The following TTC8 variants were observed in gnomAD, a reference collection of about 807,000 sequenced individuals.
TTC8 encodes tetratricopeptide repeat protein 8.
A neutral mutation model predicts 72.5 loss-of-function variants in TTC8; 47 were observed. The ratio of observed to expected loss-of-function variants is 0.65; its 90% CI spans 0.51 to 0.83. The LOEUF is 0.83. Ranked by LOEUF, TTC8 falls within the 40% of genes least tolerant of loss-of-function variation. The pLI is 0.00. For synonymous variants in TTC8, 199 were observed against 221.4 expected, an observed-to-expected ratio of 0.90 and a Z score of 0.90; for missense variants, 611 against 623.2, an observed-to-expected ratio of 0.98 and a Z score of 0.21.
Position 88,838,865 on chromosome 14 carries a change from A to G in TTC8, c.145-587A>G, listed in dbSNP as rs1270226275. On this transcript the variant is annotated intron_variant, in intron 2 of 14. Coordinates refer to ENST00000380656, the MANE Select transcript of TTC8 (RefSeq NM_144596.4). ...GAATCGGATAAATTGATCTTAGTTC[A>G]GTTCAACCAACATTTCTTGAATACC... Among the ~76,000 whole-genome samples the G allele has an allele frequency of 2.6e-5, 4 of 152,338 alleles. No individual in the cohort carries two copies. In the East Asian group the frequency reaches 7.7e-4, roughly 29 times the overall value.
In TTC8 at chr14:88,871,590, A is replaced by T; in HGVS notation, c.1091A>T (p.Asn364Ile). 1 of 1,614,120 alleles carries T rather than the reference A, an allele frequency of 6.2e-7. No individual in the cohort carries two copies. Among genetic ancestry groups the T allele is most frequent in the Non-Finnish European group, 8.5e-7 (1 of 1,180,008 alleles). ...QMGIYNGQLF[N>I]NLGLCCFYAQ... ...GGCATTTATAACGGCCAGCTTTTTA[A>T]CAATCTGGGGCTGTGTTGCTTCTAT... The change falls in exon 12 of 15, where the codon AAC becomes ATC. Residue 364 changes from asparagine to isoleucine, a missense_variant. By Grantham distance (149) the Asn-to-Ile change is moderately radical. Transcript: ENST00000380656. The surrounding 1 kb of genome is among the most constrained non-coding windows in gnomAD (Gnocchi z 4.1).
rs548297000 is a variant in TTC8, at chr14:88,868,053, G to T, written c.910-2006G>T. ...GAGATACAAGATTTCGACAAATAGA[G>T]GTCAGACCATTAGCTTGATTACAGA... is the stretch of plus-strand genomic sequence containing the variant. On this transcript the variant is annotated intron_variant, in intron 10 of 14. Coordinates refer to ENST00000380656, the MANE Select transcript of TTC8 (RefSeq NM_144596.4). 2.6e-5 allele frequency among the ~76,000 whole-genome samples: 4 copies of T among 152,258 alleles called. No individual in the cohort carries two copies. The South Asian group carries it at 8.3e-4, about 32-fold the overall frequency.
chr14:88,839,288 TG>T (rs1400107799), intron 2 of TTC8, among the ~76,000 whole-genome samples, 163 bp from the exon 3 acceptor site: 112 of 152,312 alleles, frequency 7.4e-4, no homozygotes, highest in African/African-American at 2.6e-3. Flanking sequence ...GATGGCTTCT[TG>T]TATTAGTTTT....
chr14:88,828,081 C>A (rs536105440), intron 1 of TTC8, among the ~76,000 whole-genome samples: 16 of 152,286 alleles, frequency 1.1e-4, no homozygotes, highest in African/African-American at 3.1e-4. Flanking sequence ...TCTTCCCCTG[C>A]CCCATCCTTA....
At chr14:88,865,906 G>T (rs1010672357) in intron 10 of TTC8, among the ~76,000 whole-genome samples, 5 of 151,980 alleles carry the variant, frequency 3.3e-5, no homozygotes, top group African/African-American at 9.7e-5. Flanking sequence ...TAGAGTCAAT[G>T]TGTGTTCATA....
intron 13 of TTC8, among the ~76,000 whole-genome samples, chr14:88,874,522 C>T (rs1276228367): frequency 6.6e-6 from 1 of 152,072 alleles, no homozygotes; most frequent in Non-Finnish European, 1.5e-5. Flanking sequence ...AACTGATCAG[C>T]ACTATATTAA....
upstream of TTC8, among the ~76,000 whole-genome samples, chr14:88,824,403 A>T (rs897061735): frequency 1.3e-5 from 2 of 151,832 alleles, no homozygotes; most frequent in African/African-American, 2.4e-5. Context: ...AGGGTGGGGG[A>T]CCCCAGGGGC....
chr14:88,867,016 G>A (rs570572101), intron 10 of TTC8, among the ~76,000 whole-genome samples: 2 of 152,244 alleles, frequency 1.3e-5, no homozygotes, highest in South Asian at 4.1e-4. Context: ...ACAGTGATAA[G>A]CCATTTTTCA....
At chr14:88,860,505 A>G (rs572849153) in intron 9 of TTC8, among the ~76,000 whole-genome samples, 8 of 150,288 alleles carry the variant, frequency 5.3e-5, no homozygotes, top group East Asian at 2.0e-4. Context: ...TCCACTGCCT[A>G]TCTCTCTCAG....
rs1011778609 is a variant in TTC8 at position 88,871,570 on chromosome 14, T to A, written c.1071T>A (p.Ile357=). The part of the protein sequence containing the change: ...RFYRRLLQMG[I]YNGQLFNNLG... ...AAAGGCGGCTGCTGCAGATGGGCAT[T>A]TATAACGGCCAGCTTTTTAACAATC... is the stretch of plus-strand genomic sequence containing the variant. Residue 357 remains isoleucine (I), a synonymous_variant, in exon 12 of 15, where the codon ATT becomes ATA. Coordinates refer to ENST00000380656, the MANE Select transcript of TTC8 (RefSeq NM_144596.4). This position sits in a 1 kb window ranked among gnomAD's most constrained non-coding sequence, Gnocchi z 4.1. 32 of 1,614,026 alleles carry A rather than the reference T, an allele frequency of 2.0e-5. No individual in the cohort carries two copies. The highest frequency in any genetic ancestry group is 2.7e-5 in the Non-Finnish European group (32 of 1,179,994).
downstream of TTC8, chr14:88,879,501 T>A (rs2094967295): frequency 6.6e-6 from 1 of 152,078 alleles, no homozygotes; most frequent in Admixed American, 6.5e-5. Flanking sequence ...AAGTTCTTCC[T>A]TTTTTACAAA....
At chr14:88,851,859 T>G (rs1262681839) in intron 7 of TTC8, among the ~76,000 whole-genome samples, 2 of 152,120 alleles carry the variant, frequency 1.3e-5, no homozygotes, top group African/African-American at 4.8e-5. Flanking sequence ...TTTAAAGATC[T>G]CCCCTGGAGC....
intron 6 of TTC8, among the ~76,000 whole-genome samples, chr14:88,842,946 GGTTT>G (rs1299633127): frequency 7.5e-6 from 1 of 133,486 alleles, no homozygotes; most frequent in Non-Finnish European, 1.7e-5. Context: ...GATTGTTATA[GGTTT>G]GTTTTTTTTT....
intron 2 of TTC8, among the ~76,000 whole-genome samples, chr14:88,837,511 G>A (rs1290500043): frequency 6.6e-6 from 1 of 152,108 alleles, no homozygotes; most frequent in Non-Finnish European, 1.5e-5. Flanking sequence ...CATGCAGTAG[G>A]TGCCCCCTGG....
At chr14:88,853,923 A>G (rs1269689554) in intron 8 of TTC8, among the ~76,000 whole-genome samples, 4 of 152,314 alleles carry the variant, frequency 2.6e-5, no homozygotes, top group East Asian at 1.9e-4. Flanking sequence ...GGTAGACTTC[A>G]GTTACTATGA....
intron 9 of TTC8, among the ~76,000 whole-genome samples, chr14:88,857,773 T>A (rs907391122): frequency 6.6e-6 from 1 of 152,084 alleles, no homozygotes; most frequent in East Asian, 1.9e-4. Context: ...CCTGCAAAGG[T>A]GAGTTTTATC....
chr14:88,861,100 G>A (rs952550667), intron 9 of TTC8, 122 bp from the exon 10 acceptor site: 6 of 784,578 alleles, frequency 7.6e-6, no homozygotes, highest in South Asian at 5.2e-5. Context: ...CACCACACCC[G>A]GCTAAAAATT....
At chr14:88,878,200 G>A (rs2094964437), downstream of TTC8, 1 of 152,094 alleles carries the variant, frequency 6.6e-6, no homozygotes, top group Admixed American at 6.6e-5. Flanking sequence ...CAGGCCAGGA[G>A]TCCCACTTCT....
intron 10 of TTC8, among the ~76,000 whole-genome samples, chr14:88,868,179 A>G (rs1197260826): frequency 6.6e-6 from 1 of 152,228 alleles, no homozygotes; most frequent in Non-Finnish European, 1.5e-5. Flanking sequence ...TGTCACAAAC[A>G]TAGTTGTACC....
Sources: allele counts gnomAD v4.1 joint callset (sites outside exome capture counted in the v4.1 genomes callset), GRCh38; gene constraint gnomAD v4.1.1; non-coding constraint Gnocchi (gnomAD v3.1); transcripts MANE v1.5; gene names NCBI Gene and HGNC (gene_info 2026-07-23, HGNC 2026-07-21).